SNRPN: variants seen among roughly 807,000 people sequenced by gnomAD.
The protein encoded by SNRPN is small nuclear ribonucleoprotein-associated protein N.
Under a neutral mutation model 25.2 loss-of-function variants are expected in SNRPN, and 7 were observed. The ratio of observed to expected loss-of-function variants is 0.28; its 90% CI spans 0.16 to 0.52. The LOEUF is 0.52. SNRPN is among the 20% of genes least tolerant of loss of function. The pLI, the probability that SNRPN is intolerant of heterozygous loss-of-function variation, is 0.96. For synonymous variants in SNRPN, 124 were observed against 110.6 expected (o/e 1.12, Z -0.76); for missense variants, 196 against 322.5 (o/e 0.61, Z 3.00).
chr15:24,955,182 T>C (rs2062634816), intron 1 of SNRPN, 120 bp downstream of exon 1: 21 of 1,360,498 alleles, frequency 1.5e-5, no homozygotes, highest in Non-Finnish European at 2.1e-5. Context: ...GGCCCTAAAG[T>C]CCTTTGTTCT....
chr15:24,931,449 TG>T (rs1398102365), intron 3 of SNRPN, among the ~76,000 whole-genome samples: 1 of 152,080 alleles, frequency 6.6e-6, no homozygotes, highest in Non-Finnish European at 1.5e-5. Flanking sequence ...AGAATGAAGC[TG>T]GGTGTCTACT....
At position 24,902,640 on chromosome 15, in the gene SNRPN, G is replaced by T. The variant is rs539060212; in HGVS notation, c.-505+16051G>T. The stretch of plus-strand genomic sequence containing the variant: ...GATGTGTCCAGAGTTTCTTCCTTCT[G>T]GTGGGTTCGTGGTCTTGCTGACTTC... On this transcript the variant is annotated intron_variant, in intron 2 of 11. Transcript: ENST00000400097. 1.3e-3 allele frequency among the ~76,000 whole-genome samples: 195 copies of T among 151,964 alleles called. 1 individual carries two copies. The highest frequency in any genetic ancestry group is 4.6e-3 in the African/African-American group (192 of 41,488).
At chr15:24,964,540 C>T (rs553684053) in intron 2 of SNRPN, among the ~76,000 whole-genome samples, 107 of 152,234 alleles carry the variant, frequency 7.0e-4, no homozygotes, top group African/African-American at 2.4e-3. Flanking sequence ...ATGATCCGCC[C>T]GCCTTGGTTT....
chr15:24,886,446 G>A (rs1168934174), intron 1 of SNRPN: 1 of 152,174 alleles, frequency 6.6e-6, no homozygotes, highest in East Asian at 1.9e-4. Flanking sequence ...ATCTATTGCA[G>A]TGGTCCCGAA....
chr15:24,963,546 C>T (rs1419588120), intron 2 of SNRPN, among the ~76,000 whole-genome samples: 3 of 149,290 alleles, frequency 2.0e-5, no homozygotes, highest in Non-Finnish European at 1.5e-5. Flanking sequence ...GCCCAGGAGA[C>T]GGAGGTTGCA....
chr15:24,905,194 C>T (rs962687551), intron 2 of SNRPN, among the ~76,000 whole-genome samples: 3 of 151,810 alleles, frequency 2.0e-5, no homozygotes, highest in East Asian at 3.9e-4. Flanking sequence ...AAATCCCATC[C>T]GATTTTAAGA....
intron 2 of SNRPN, among the ~76,000 whole-genome samples, chr15:24,895,458 T>C (rs1407681219): frequency 2.0e-5 from 3 of 151,472 alleles, no homozygotes; most frequent in Non-Finnish European, 1.5e-5. Flanking sequence ...ACATTCCCTA[T>C]GACTATCTTA....
intron 3 of SNRPN, among the ~76,000 whole-genome samples, chr15:24,969,821 C>G (rs1381117865): frequency 6.6e-6 from 1 of 152,170 alleles, no homozygotes; most frequent in African/African-American, 2.4e-5. Flanking sequence ...ATATCTGGAC[C>G]ACTACCTGTG....
intron 1 of SNRPN, among the ~76,000 whole-genome samples, chr15:24,959,092 C>T (rs1354875816): frequency 6.6e-6 from 1 of 152,060 alleles, no homozygotes; most frequent in Admixed American, 6.6e-5. Flanking sequence ...AATTGGGATT[C>T]CATTGCTTTT....
In SNRPN at chr15:24,918,392, GTGTATATATATAACATAATATATA is replaced by G. The variant is rs1226139513; in HGVS notation, c.-504-1615_-504-1592del. Among the ~76,000 whole-genome samples the G allele has an allele frequency of 1.1e-3, 102 of 92,778 alleles. 1 individual carries two copies. The highest frequency in any genetic ancestry group is 1.4e-3 in the African/African-American group (33 of 23,912). 60.9% of individuals were successfully genotyped at this position (92,778 alleles called of 152,430 possible). ...TGTATATATATAACATAATATATAT[GTGTATATATATAACATAATATATA>G]TGTGTATATATAACATAATATATAT... On this transcript the variant is annotated intron_variant, in intron 2 of 11. Transcript: ENST00000400097.
chr15:24,907,253 T>C (rs2058861864), intron 2 of SNRPN, among the ~76,000 whole-genome samples: 1 of 152,100 alleles, frequency 6.6e-6, no homozygotes, highest in South Asian at 2.1e-4. Flanking sequence ...AGGCCAAGTA[T>C]CCAGGGAATA....
chr15:24,856,848 TAAC>T (rs1210916426), intron 1 of SNRPN: 1 of 152,244 alleles, frequency 6.6e-6, no homozygotes, highest in African/African-American at 2.4e-5. Context: ...CATTCTGTAT[TAAC>T]AACTTTCGTT....
In SNRPN at chr15:24,895,589, G is replaced by A. The variant is rs540287668; in HGVS notation, c.-505+9000G>A. ...TTGGTATTGGAAATTGATGGCTGCT[G>A]GTCATTTAACACCCATGCCTCAGTT... is the stretch of plus-strand genomic sequence containing the variant. On this transcript the variant is annotated intron_variant, in intron 2 of 11. Coordinates refer to the SNRPN transcript ENST00000400097. Among the ~76,000 whole-genome samples the A allele has an allele frequency of 9.9e-5, 15 of 152,088 alleles. No individual in the cohort carries two copies. The South Asian group carries it at 3.1e-3, about 32-fold the overall frequency.
At chr15:24,908,893 C>T in intron 2 of SNRPN, 1 of 806,690 alleles carries the variant, frequency 1.2e-6, no homozygotes, top group Non-Finnish European at 2.0e-6. Flanking sequence ...AGTTTATTGT[C>T]TGTATCTGAA....
At chr15:24,938,880 G>A (rs2061392887) in intron 3 of SNRPN, among the ~76,000 whole-genome samples, 1 of 152,094 alleles carries the variant, frequency 6.6e-6, no homozygotes, top group Admixed American at 6.5e-5. Flanking sequence ...GGAGTTGGCT[G>A]GGCTACAGAC....
At chr15:24,954,945 G>A, upstream of SNRPN, 1 of 1,534,900 alleles carries the variant, frequency 6.5e-7, no homozygotes, top group Non-Finnish European at 8.9e-7. Context: ...ATGCTCAGGC[G>A]GGGATGTGTG....
At chr15:24,836,072 G>A (rs1424043286) in intron 2 of SNRPN, among the ~76,000 whole-genome samples, 8 of 152,032 alleles carry the variant, frequency 5.3e-5, no homozygotes, top group African/African-American at 1.7e-4. Context: ...TCTAGAGGCC[G>A]GCAAGGTTGT....
chr15:24,899,382 G>T (rs2058298635), intron 2 of SNRPN, among the ~76,000 whole-genome samples: 1 of 152,168 alleles, frequency 6.6e-6, no homozygotes, highest in African/African-American at 2.4e-5. Context: ...TGAAAATTGA[G>T]TCAGATACCC....
At chr15:24,908,702 T>C (rs1291125218) in intron 2 of SNRPN, among the ~76,000 whole-genome samples, 1 of 152,182 alleles carries the variant, frequency 6.6e-6, no homozygotes, top group Non-Finnish European at 1.5e-5. Flanking sequence ...ACAAGTTTTT[T>C]TCTAGTGCTT....
Sources: allele counts gnomAD v4.1 joint callset (sites outside exome capture counted in the v4.1 genomes callset), GRCh38; gene constraint gnomAD v4.1.1; transcripts MANE v1.5; gene names NCBI Gene and HGNC (gene_info 2026-07-23, HGNC 2026-07-21).